The following SPHKAP variants were observed in gnomAD, a reference collection of about 807,000 sequenced individuals.
SPHKAP encodes SPHK1 interactor, AKAP domain containing.
A neutral mutation model predicts 137.5 loss-of-function variants in SPHKAP; 67 were observed. That is an observed-to-expected ratio of 0.49 (90% CI 0.40 to 0.60). The LOEUF (loss-of-function observed/expected upper bound fraction) is 0.60. Ranked by LOEUF, SPHKAP falls within the 20% of genes least tolerant of loss-of-function variation. The probability of loss-of-function intolerance (pLI) is 0.00; values close to 1 mark genes in which losing one functional copy is unlikely to be tolerated. For missense variants in SPHKAP, 2,097 were observed against 2,069.3 expected (o/e 1.01, Z -0.26); for synonymous variants, 813 against 785.3 (o/e 1.04, Z -0.59).
At chr2:227,996,877 C>A (rs780580356) in intron 7 of SPHKAP, among the ~76,000 whole-genome samples, 2 of 152,188 alleles carry the variant, frequency 1.3e-5, no homozygotes, top group Non-Finnish European at 2.9e-5. Context: ...CACCAACATA[C>A]TTTAATTTGT....
At chr2:228,147,591 C>A (rs1699810637) in intron 1 of SPHKAP, among the ~76,000 whole-genome samples, 1 of 152,188 alleles carries the variant, frequency 6.6e-6, no homozygotes, top group African/African-American at 2.4e-5. Context: ...TGGGTCCCGA[C>A]TGTCACTTTT....
intron 3 of SPHKAP, among the ~76,000 whole-genome samples, chr2:228,042,066 G>GAAAC (rs548773649): frequency 9.2e-5 from 14 of 152,108 alleles, no homozygotes; most frequent in Non-Finnish European, 1.9e-4. Context: ...AGAAGAAAAA[G>GAAAC]AAACAAACAA....
intron 1 of SPHKAP, among the ~76,000 whole-genome samples, chr2:228,154,651 C>T (rs1416640881): frequency 1.4e-5 from 2 of 141,922 alleles, no homozygotes; most frequent in African/African-American, 5.2e-5. Flanking sequence ...CAGGTTCACG[C>T]CATTCTCCTA....
chr2:227,991,852 C>G (rs760528461), intron 9 of SPHKAP: 2 of 360,484 alleles, frequency 5.5e-6, no homozygotes, highest in Non-Finnish European at 7.7e-6. Context: ...AGACAACCAA[C>G]AAACTGCAGA....
chr2:228,019,648 A>T lies in SPHKAP; in HGVS notation c.1206T>A (p.Asp402Glu). 2 of 1,614,156 alleles carry T rather than the reference A, an allele frequency of 1.2e-6. No individual in the cohort carries two copies. Among genetic ancestry groups the T allele is most frequent in the Admixed American group, 1.7e-5 (1 of 60,030 alleles). Reference protein sequence around the residue: ...ATNLAESVLQDAFIRLSQSQS... With the variant: ...ATNLAESVLQEAFIRLSQSQS... ...GAGATTGAGATAATCTAATAAATGC[A>T]TCCTGCAGCACGGATTCTGCTAAAT... Residue 402 changes from aspartate to glutamate, a missense_variant, in exon 7 of 12, where the codon GAT (aspartate) becomes GAA (glutamate). Transcript: ENST00000392056.
At chr2:228,063,288 G>T (rs1186276600) in intron 3 of SPHKAP, among the ~76,000 whole-genome samples, 1 of 151,498 alleles carries the variant, frequency 6.6e-6, no homozygotes, top group Non-Finnish European at 1.5e-5. Flanking sequence ...ATTTGTTTTT[G>T]GTGTTGATGT....
chr2:228,025,290 A>G, intron 5 of SPHKAP, 104 bp downstream of exon 5: 3 of 1,199,934 alleles, frequency 2.5e-6, no homozygotes, highest in Non-Finnish European at 3.4e-6. Flanking sequence ...TTTGATTCCT[A>G]TGTTACAGAA....
At chr2:228,047,965 G>A (rs1696124944) in intron 3 of SPHKAP, among the ~76,000 whole-genome samples, 1 of 152,208 alleles carries the variant, frequency 6.6e-6, no homozygotes, top group Non-Finnish European at 1.5e-5. Context: ...TACACTGGGA[G>A]AGAAAGTTGG....
At chr2:228,015,702 C>T (rs1205086810) in intron 7 of SPHKAP, among the ~76,000 whole-genome samples, 1 of 152,156 alleles carries the variant, frequency 6.6e-6, no homozygotes, top group Non-Finnish European at 1.5e-5. Context: ...TTCAGTGTTG[C>T]TTTGCATTTA....
At chr2:228,055,902 C>T (rs1696422401) in intron 3 of SPHKAP, among the ~76,000 whole-genome samples, 7 of 152,200 alleles carry the variant, frequency 4.6e-5, no homozygotes, top group Admixed American at 4.6e-4. Context: ...CTCCAGCAAT[C>T]CACAGATCCC....
chr2:228,009,573 G>A (rs1694285465), intron 7 of SPHKAP, among the ~76,000 whole-genome samples: 1 of 152,112 alleles, frequency 6.6e-6, no homozygotes, highest in Non-Finnish European at 1.5e-5. Context: ...TCCTTATAAT[G>A]AGTGATATTT....
intron 1 of SPHKAP, among the ~76,000 whole-genome samples, chr2:228,177,837 C>A (rs779814215): frequency 6.6e-6 from 1 of 151,978 alleles, no homozygotes. Flanking sequence ...CTAGTTTTTT[C>A]AAAAGTTTAC....
At chr2:227,987,863 C>G (rs1333574568) in intron 11 of SPHKAP, among the ~76,000 whole-genome samples, 1 of 152,024 alleles carries the variant, frequency 6.6e-6, no homozygotes, top group Non-Finnish European at 1.5e-5. Flanking sequence ...ACTAATTAGC[C>G]CAAAAAAATT....
At chr2:228,065,292 T>A (rs1342533193) in intron 3 of SPHKAP, among the ~76,000 whole-genome samples, 1 of 152,184 alleles carries the variant, frequency 6.6e-6, no homozygotes, top group African/African-American at 2.4e-5. Context: ...ACAGACTAGT[T>A]TATTAGCTTG....
At chr2:228,079,278 A>G (rs137999475) in intron 3 of SPHKAP, among the ~76,000 whole-genome samples, 1,531 of 152,312 alleles carry the variant, frequency 0.01, 41 homozygotes, top group African/African-American at 0.035. Context: ...GACAGGAGGC[A>G]GAGCTCAGGC....
intron 3 of SPHKAP, among the ~76,000 whole-genome samples, chr2:228,098,129 C>A (rs970726922): frequency 5.5e-5 from 8 of 146,666 alleles, no homozygotes; most frequent in Non-Finnish European, 9.0e-5. Flanking sequence ...TTTTTTTCTG[C>A]AACGTTGCCA....
At chr2:228,170,815 G>A (rs910276681) in intron 1 of SPHKAP, among the ~76,000 whole-genome samples, 3 of 151,952 alleles carry the variant, frequency 2.0e-5, no homozygotes, top group South Asian at 2.1e-4. Flanking sequence ...CTACCATATC[G>A]CTGGGGTATA....
intron 7 of SPHKAP, among the ~76,000 whole-genome samples, chr2:228,007,818 G>C (rs1272753269): frequency 5.9e-5 from 9 of 152,090 alleles, no homozygotes; most frequent in Admixed American, 5.2e-4. Context: ...AGAAAGGATA[G>C]TCTCATCAAT....
intron 3 of SPHKAP, among the ~76,000 whole-genome samples, chr2:228,074,519 G>C (rs992927001): frequency 6.6e-6 from 1 of 152,014 alleles, no homozygotes; most frequent in Non-Finnish European, 1.5e-5. Flanking sequence ...ATCAGATCTC[G>C]TGAGAACCAC....
Sources: allele counts gnomAD v4.1 joint callset (sites outside exome capture counted in the v4.1 genomes callset), GRCh38; gene constraint gnomAD v4.1.1; transcripts MANE v1.5; gene names NCBI Gene and HGNC (gene_info 2026-07-23, HGNC 2026-07-21).